Variants in LRFN2 observed in about 807,000 individuals in gnomAD.
LRFN2 encodes leucine rich repeat and fibronectin type III domain containing 2.
In LRFN2, 18 loss-of-function variants were observed where a neutral mutation model predicts 37.3. The observed-to-expected ratio is 0.48, with a 90% CI of 0.33 to 0.72. The LOEUF (loss-of-function observed/expected upper bound fraction) is 0.72. Among genes scored for constraint, LRFN2 ranks in the 30% least tolerant of loss-of-function variants. The probability of loss-of-function intolerance (pLI) is 0.02; values close to 1 mark genes in which losing one functional copy is unlikely to be tolerated. For synonymous variants in LRFN2, 556 were observed against 466.6 expected, an observed-to-expected ratio of 1.19 and a Z score of -2.47; for missense variants, 1,006 against 1,060.7, an observed-to-expected ratio of 0.95 and a Z score of 0.72.
chr6:40,391,978 C>CA lies in LRFN2; in HGVS notation c.2334dup (p.Gly779TrpfsTer88). 1 of 1,597,598 alleles carries CA rather than the reference C, an allele frequency of 6.3e-7. No individual in the cohort carries two copies. The highest frequency in any genetic ancestry group is 8.5e-7 in the Non-Finnish European group (1 of 1,171,280). ...CTCTCCATCACCCATTCGGAGCTGCCAAAAGTCCCCCGGGCCCCCACCAGG... is the reference window on the plus strand; with the variant it reads ...CTCTCCATCACCCATTCGGAGCTGCCAAAAAGTCCCCCGGGCCCCCACCAGG... On this transcript the variant is annotated frameshift_variant, in exon 3 of 3. Transcript: ENST00000338305. LOFTEE classifies it high-confidence loss of function.
At chr6:40,400,039 A>G (rs1762706570) in intron 2 of LRFN2, among the ~76,000 whole-genome samples, 2 of 151,600 alleles carry the variant, frequency 1.3e-5, no homozygotes, top group Non-Finnish European at 2.9e-5. Context: ...ATCTTTCTCC[A>G]CTGGGTGACC....
Position 40,524,577 on chromosome 6 carries a change from G to A in LRFN2, c.-19+62364C>T, listed in dbSNP as rs1766191468. On this transcript the variant is annotated intron_variant, in intron 1 of 2. Coordinates refer to ENST00000338305, the MANE Select transcript of LRFN2 (RefSeq NM_020737.3). ...TTGGAGGCCTGGCTCACGCAGGCAGGGGGCCGAGGCGCTCCTTCTCACTCA... is the reference window on the plus strand; with the variant it reads ...TTGGAGGCCTGGCTCACGCAGGCAGAGGGCCGAGGCGCTCCTTCTCACTCA... 2.6e-5 allele frequency among the ~76,000 whole-genome samples: 4 copies of A among 152,130 alleles called. No individual in the cohort carries two copies. In the South Asian group the frequency reaches 8.3e-4, roughly 32 times the overall value.
chr6:40,451,836 G>T (rs1255098740), intron 1 of LRFN2, among the ~76,000 whole-genome samples: 1 of 152,164 alleles, frequency 6.6e-6, no homozygotes, highest in East Asian at 1.9e-4. Context: ...TGCCTTGTTT[G>T]GATGTTCCCT....
chr6:40,444,105 A>T (rs1467236736), intron 1 of LRFN2, among the ~76,000 whole-genome samples: 2 of 152,226 alleles, frequency 1.3e-5, no homozygotes, highest in Non-Finnish European at 2.9e-5. Context: ...CGCACAGGTC[A>T]GCCTACCCGG....
intron 1 of LRFN2, among the ~76,000 whole-genome samples, chr6:40,559,141 C>T (rs918535229): frequency 1.3e-5 from 2 of 150,340 alleles, no homozygotes; most frequent in East Asian, 2.0e-4. Context: ...GATGGATGGC[C>T]GCTGGGTGGG....
intron 2 of LRFN2, among the ~76,000 whole-genome samples, chr6:40,411,734 C>T (rs775937653): frequency 5.3e-5 from 8 of 152,154 alleles, no homozygotes; most frequent in Non-Finnish European, 7.4e-5. Flanking sequence ...CCCACCTTCT[C>T]GGTGAGGCCT....
rs538538717 is a variant in LRFN2 at position 40,570,841 on chromosome 6, C to T, written c.-19+16100G>A. Among the ~76,000 whole-genome samples, 92 of 152,320 alleles carry T rather than the reference C, an allele frequency of 6.0e-4. 1 individual carries two copies. The South Asian group carries it at 0.019, about 31-fold the overall frequency. On this transcript the variant is annotated intron_variant, in intron 1 of 2. Transcript: ENST00000338305. ...TTTTCTAGTAAATGTTCATGGTTCC[C>T]TCAGGGTGCTAGACATGGGGAGAAG...
chr6:40,580,932 TGTATAA>T (rs528515440), intron 1 of LRFN2, among the ~76,000 whole-genome samples: 59 of 152,278 alleles, frequency 3.9e-4, no homozygotes, highest in South Asian at 8.3e-4. Flanking sequence ...AATGTATGTG[TGTATAA>T]GTATATGTGT....
At chr6:40,523,992 AAGGGCAGGGGGAGGGGCTGGGG>A (rs1181999877) in intron 1 of LRFN2, 1 of 49,408 alleles carries the variant, frequency 2.0e-5, no homozygotes, top group African/African-American at 1.5e-4. Flanking sequence ...AGGGGCTGGG[AAGGGCAGGGGGAGGGGCTGGGG>A]AGGCCAGCCC....
chr6:40,422,153 G>A (rs1765311404), intron 2 of LRFN2, among the ~76,000 whole-genome samples: 1 of 151,964 alleles, frequency 6.6e-6, no homozygotes, highest in Non-Finnish European at 1.5e-5. Flanking sequence ...TATCTCTTTG[G>A]AGATAACCCC....
intron 1 of LRFN2, among the ~76,000 whole-genome samples, chr6:40,507,762 G>A (rs1049811852): frequency 1.3e-5 from 2 of 152,210 alleles, no homozygotes; most frequent in African/African-American, 4.8e-5. Context: ...CATGCCTCTT[G>A]TAGATTTGAA....
At chr6:40,423,206 A>G (rs1283832288) in intron 2 of LRFN2, among the ~76,000 whole-genome samples, 6 of 152,212 alleles carry the variant, frequency 3.9e-5, no homozygotes, top group African/African-American at 1.2e-4. Flanking sequence ...AGAACTCCCA[A>G]TTGAAGTGAA....
intron 1 of LRFN2, among the ~76,000 whole-genome samples, chr6:40,532,347 T>C (rs1250162649): frequency 6.6e-6 from 1 of 152,226 alleles, no homozygotes; most frequent in African/African-American, 2.4e-5. Context: ...AGTAATCACA[T>C]GCCCCCTAAT....
intron 1 of LRFN2, among the ~76,000 whole-genome samples, chr6:40,525,373 T>C (rs559100376): frequency 6.6e-6 from 1 of 152,324 alleles, no homozygotes; most frequent in South Asian, 2.1e-4. Flanking sequence ...CCTATGCAAA[T>C]GAAGCTGCCA....
At chr6:40,586,299 C>A (rs1767502079) in intron 1 of LRFN2, among the ~76,000 whole-genome samples, 1 of 152,148 alleles carries the variant, frequency 6.6e-6, no homozygotes, top group African/African-American at 2.4e-5. Context: ...ATGGCTAATG[C>A]CACTTTCCAT....
rs772659674 is a variant in LRFN2 at position 40,432,597 on chromosome 6, C to A, written c.517G>T (p.Val173Phe). 1 of 1,614,208 alleles carries A rather than the reference C, an allele frequency of 6.2e-7. No individual in the cohort carries two copies. The highest frequency in any genetic ancestry group is 1.7e-5 in the Admixed American group (1 of 60,026). The change falls in exon 2 of 3, where the codon GTC (valine) becomes TTC (phenylalanine). Residue 173 changes from valine (V) to phenylalanine (F), a missense_variant. Physicochemically the swap from Val to Phe is conservative, Grantham distance 50 (BLOSUM62 -1). Transcript: ENST00000338305. The part of the protein sequence containing the change: ...GLPWDSVRRM[V>F]NLHQLSLDHN... ...TCCAGGCTCAGCTGGTGGAGGTTGA[C>A]CATGCGTCGCACGGAGTCCCACGGC...
intron 1 of LRFN2, among the ~76,000 whole-genome samples, chr6:40,515,892 C>CACA: frequency 1.1e-5 from 1 of 91,762 alleles, no homozygotes. Flanking sequence ...GACTCCATAT[C>CACA]AAAAAAAAAA....
At chr6:40,550,440 G>T (rs937607152) in intron 1 of LRFN2, among the ~76,000 whole-genome samples, 2 of 152,164 alleles carry the variant, frequency 1.3e-5, no homozygotes, top group African/African-American at 4.8e-5. Context: ...CATACTTCAA[G>T]TTCCCATCCT....
intron 1 of LRFN2, among the ~76,000 whole-genome samples, chr6:40,512,092 G>T (rs1765725947): frequency 1.3e-5 from 2 of 152,140 alleles, no homozygotes. Flanking sequence ...CCCCAACCCT[G>T]CCCAGGTTCC....
Sources: allele counts gnomAD v4.1 joint callset (sites outside exome capture counted in the v4.1 genomes callset), GRCh38; gene constraint gnomAD v4.1.1; transcripts MANE v1.5; gene names NCBI Gene and HGNC (gene_info 2026-07-23, HGNC 2026-07-21).